TMEM132C: variants seen among roughly 807,000 people sequenced by gnomAD.
TMEM132C encodes transmembrane protein 132C.
TMEM132C carries 29 observed loss-of-function variants against 61.4 expected under a neutral mutation model. The observed-to-expected ratio is 0.47, with a 90% CI of 0.35 to 0.64. The LOEUF is 0.64. TMEM132C is among the 30% of genes least tolerant of loss of function. The pLI, the probability that TMEM132C is intolerant of heterozygous loss-of-function variation, is 0.00. For synonymous variants in TMEM132C, 656 were observed against 633.1 expected (o/e 1.04, Z -0.54); for missense variants, 1,408 against 1,476.9 (o/e 0.95, Z 0.76).
chr12:128,280,804 A>T (rs966342079), intron 1 of TMEM132C, among the ~76,000 whole-genome samples: 2 of 152,200 alleles, frequency 1.3e-5, no homozygotes, highest in Non-Finnish European at 1.5e-5. Context: ...CAAAAGTCAT[A>T]CTGTGTTTCA....
chr12:128,339,607 G>A (rs1593016584), intron 1 of TMEM132C, among the ~76,000 whole-genome samples: 2 of 151,292 alleles, frequency 1.3e-5, no homozygotes, highest in East Asian at 2.0e-4. Context: ...CCACAGCTGC[G>A]TTGAGGGGGT....
chr12:128,344,634 C>A (rs912388038), intron 1 of TMEM132C, among the ~76,000 whole-genome samples: 2 of 152,206 alleles, frequency 1.3e-5, no homozygotes, highest in South Asian at 4.1e-4. Context: ...TCAACACTTG[C>A]TATTGCCCGT....
At chr12:128,365,416 ATACTAT>A (rs1280923489) in intron 1 of TMEM132C, among the ~76,000 whole-genome samples, 3 of 152,148 alleles carry the variant, frequency 2.0e-5, no homozygotes, top group African/African-American at 7.2e-5. Context: ...TTACACTATT[ATACTAT>A]TACTATTATT....
intron 3 of TMEM132C, among the ~76,000 whole-genome samples, chr12:128,555,736 A>G (rs1055062225): frequency 6.8e-6 from 1 of 146,968 alleles, no homozygotes; most frequent in Non-Finnish European, 1.5e-5. Flanking sequence ...TTTCTTTGAT[A>G]CAAGATCTCA....
chr12:128,705,732 G>A lies in TMEM132C; in HGVS notation c.2764G>A (p.Asp922Asn). 6.4e-7 allele frequency: 1 copy of A among 1,551,478 alleles called. No homozygotes were observed. The highest frequency in any genetic ancestry group is 8.7e-7 in the Non-Finnish European group (1 of 1,146,998). The change falls in exon 9 of 9, where the codon GAT becomes AAT. Residue 922 changes from aspartate to asparagine, a missense_variant. Coordinates refer to ENST00000435159, the MANE Select transcript of TMEM132C (RefSeq NM_001136103.3). ...DLVQTPRGLS[D>N]LEIGMYALLG... Reference sequence around the variant, plus strand: ...GGTGCAGACTCCGCGGGGCCTGAGTGATCTGGAGATAGGGATGTACGCCCT... The same window carrying A: ...GGTGCAGACTCCGCGGGGCCTGAGTAATCTGGAGATAGGGATGTACGCCCT...
chr12:128,576,626 T>C (rs890337933), intron 3 of TMEM132C, among the ~76,000 whole-genome samples: 4 of 152,238 alleles, frequency 2.6e-5, no homozygotes, highest in African/African-American at 9.6e-5. Context: ...TTGGTATGCA[T>C]CTCTTAATCG....
chr12:128,655,935 G>A (rs1161078799), intron 4 of TMEM132C, among the ~76,000 whole-genome samples: 1 of 152,170 alleles, frequency 6.6e-6, no homozygotes, highest in African/African-American at 2.4e-5. Flanking sequence ...AAACCTCTAG[G>A]TGAAACATAA....
At chr12:128,465,333 G>A (rs1381781902) in intron 2 of TMEM132C, among the ~76,000 whole-genome samples, 2 of 151,898 alleles carry the variant, frequency 1.3e-5, no homozygotes, top group Non-Finnish European at 2.9e-5. Context: ...CGAGTAGCTG[G>A]GATTAAAGAC....
At position 128,706,259 on chromosome 12, in the gene TMEM132C, T is replaced by C; in HGVS notation, c.3291T>C (p.Leu1097=). The C allele has an allele frequency of 6.5e-7, 1 of 1,549,674 alleles. No individual in the cohort carries two copies. The highest frequency in any genetic ancestry group is 1.2e-5 in the South Asian group (1 of 83,836). The change falls in exon 9 of 9, where the codon CTT becomes CTC. Residue 1097 remains leucine, a synonymous_variant. Transcript: ENST00000435159. ...TGGCTGTGGGTGCCCCCAAGGAACT[T>C]AGAAACTATCTGGAGAAACTCAAAG... ...QDVAVGAPKE[L]RNYLEKLKDK...
chr12:128,588,469 ATG>A (rs924042699), intron 3 of TMEM132C, among the ~76,000 whole-genome samples: 3 of 152,016 alleles, frequency 2.0e-5, no homozygotes, highest in African/African-American at 7.2e-5. Flanking sequence ...TGTTTCCAAT[ATG>A]TGTGTGTGTT....
intron 4 of TMEM132C, among the ~76,000 whole-genome samples, chr12:128,651,973 T>G (rs1330671504): frequency 6.6e-6 from 1 of 152,120 alleles, no homozygotes; most frequent in Non-Finnish European, 1.5e-5. Flanking sequence ...TCATTGAAGT[T>G]TTAAAGGGTT....
At chr12:128,529,746 A>G (rs1419643772) in intron 2 of TMEM132C, among the ~76,000 whole-genome samples, 2 of 152,190 alleles carry the variant, frequency 1.3e-5, no homozygotes, top group African/African-American at 4.8e-5. Flanking sequence ...AGATCGTGCC[A>G]CTGCACTCCA....
rs543691143 is a variant in TMEM132C, at chr12:128,515,136, C to G, written c.975-28821C>G. ...TAGTGGACTTCATCGGTCAGCTAAC[C>G]AGCAGCCATCATGAATCACGTTCTC... is the stretch of plus-strand genomic sequence containing the variant. On this transcript the variant is annotated intron_variant, in intron 2 of 8. Transcript: ENST00000435159. 3.3e-5 allele frequency among the ~76,000 whole-genome samples: 5 copies of G among 152,318 alleles called. No individual in the cohort carries two copies. In the South Asian group the frequency reaches 8.3e-4, roughly 25 times the overall value.
In TMEM132C at chr12:128,278,602, C is replaced by A. The variant is rs1399819811; in HGVS notation, c.85+11115C>A. Among the ~76,000 whole-genome samples, 1 of 152,112 alleles carries A rather than the reference C, an allele frequency of 6.6e-6. No homozygotes were observed. Among genetic ancestry groups the A allele is most frequent in the Admixed American group, 6.5e-5 (1 of 15,276 alleles). On this transcript the variant is annotated intron_variant, in intron 1 of 8. Coordinates refer to ENST00000435159, the MANE Select transcript of TMEM132C (RefSeq NM_001136103.3). This position sits in a 1 kb window ranked among gnomAD's most constrained non-coding sequence, Gnocchi z 4.2. ...TTAGTTCTGGGTGGGAAGGGGTCCC[C>A]TCTACCATTCACAGAGGCAAGAAGC...
chr12:128,702,420 A>G (rs931837445), intron 8 of TMEM132C, among the ~76,000 whole-genome samples: 11 of 152,096 alleles, frequency 7.2e-5, no homozygotes, highest in Admixed American at 6.5e-4. Flanking sequence ...GTTTTATTTC[A>G]TAGACTGTTG....
rs1003084535 is a variant in TMEM132C at position 128,580,252 on chromosome 12, T to TA, written c.1122-35890dup. Among the ~76,000 whole-genome samples, 73 of 147,936 alleles carry TA rather than the reference T, an allele frequency of 4.9e-4. 2 individuals are homozygous for TA. In the South Asian group the frequency reaches 5.4e-3, roughly 11 times the overall value. ...TAACACGGTGAAACCCCATCTCTAC[T>TA]AAAAAAAAAATACAAAAAATTAGCC... On this transcript the variant is annotated intron_variant, in intron 3 of 8. Coordinates refer to ENST00000435159, the MANE Select transcript of TMEM132C (RefSeq NM_001136103.3).
chr12:128,694,976 T>G (rs969556465), intron 6 of TMEM132C, among the ~76,000 whole-genome samples: 1 of 152,190 alleles, frequency 6.6e-6, no homozygotes, highest in Non-Finnish European at 1.5e-5. Flanking sequence ...CATCTGTTCA[T>G]GAGAATAATT....
At chr12:128,678,261 A>C (rs1171126925) in intron 5 of TMEM132C, among the ~76,000 whole-genome samples, 1 of 152,190 alleles carries the variant, frequency 6.6e-6, no homozygotes, top group African/African-American at 2.4e-5. Context: ...AAAGAGAACA[A>C]AGAAATTCCT....
chr12:128,406,490 A>G (rs1396203401), intron 1 of TMEM132C, among the ~76,000 whole-genome samples: 1 of 152,208 alleles, frequency 6.6e-6, no homozygotes, highest in Non-Finnish European at 1.5e-5. Context: ...GATATAAAAA[A>G]GAGGTGCATG....
Sources: gnomAD v4.1 joint callset for allele counts (sites outside exome capture counted in the v4.1 genomes callset) on GRCh38, gnomAD v4.1.1 for gene constraint, Gnocchi (gnomAD v3.1) non-coding constraint, MANE v1.5 for transcripts, NCBI Gene and HGNC (gene_info 2026-07-23, HGNC 2026-07-21) for gene names.